ADGRF3: variants seen among roughly 807,000 people sequenced by gnomAD.
ADGRF3 encodes the protein G protein-coupled receptor 113.
A neutral mutation model predicts 93.2 loss-of-function variants in ADGRF3; 85 were observed. The ratio of observed to expected loss-of-function variants is 0.91; its 90% CI spans 0.77 to 1.09. The LOEUF is 1.09. Ranked by LOEUF, ADGRF3 falls within the 50% of genes least tolerant of loss-of-function variation. The pLI is 0.00. For missense variants in ADGRF3, 1,125 were observed against 1,246.2 expected (o/e 0.90, Z 1.46); for synonymous variants, 534 against 532.5 (o/e 1.00, Z -0.04).
intron 1 of ADGRF3, among the ~76,000 whole-genome samples, chr2:26,333,487 A>C (rs1490728839): frequency 1.3e-4 from 1 of 7,880 alleles, no homozygotes; most frequent in Admixed American, 1.2e-3. Context: ...AACCATCCTG[A>C]GGTTATCCAG....
At chr2:26,342,084 A>C (rs1292255057) in intron 1 of ADGRF3, among the ~76,000 whole-genome samples, 1 of 150,324 alleles carries the variant, frequency 6.7e-6, no homozygotes, top group Non-Finnish European at 1.5e-5. Context: ...AAAAAAAAAC[A>C]ACTGACTTGT....
In ADGRF3 at chr2:26,313,384, C is replaced by A; in HGVS notation, c.1262G>T (p.Arg421Ile). 1 of 1,590,446 alleles carries A rather than the reference C, an allele frequency of 6.3e-7. No homozygotes were observed. Among genetic ancestry groups the A allele is most frequent in the Non-Finnish European group, 8.6e-7 (1 of 1,168,828 alleles). The change falls in exon 8 of 14, where the codon AGA becomes ATA. Residue 421 changes from arginine (R) to isoleucine (I), a missense_variant. Physicochemically the swap from Arg to Ile is moderately conservative, Grantham distance 97 (BLOSUM62 -3). Coordinates refer to ENST00000651242, the MANE Select transcript of ADGRF3 (RefSeq NM_001321971.2). ...TDARLLALFT[R>I]TKLLQAGQGS... ...GCAGGGTGGAAGCTTCACCTTGGTT[C>A]TAGTGAACAAGGCCAGGAGCCTCGC...
rs137936719 is a variant in ADGRF3 at position 26,344,864 on chromosome 2, G to C, written c.114+1257C>G. Among the ~76,000 whole-genome samples, 1,388 of 152,208 alleles carry C rather than the reference G, an allele frequency of 9.1e-3. 12 individuals are homozygous for C. Among genetic ancestry groups the C allele is most frequent in the Middle Eastern group, 0.031 (9 of 294 alleles). On this transcript the variant is annotated intron_variant, in intron 1 of 13. Transcript: ENST00000651242. ...GAAGCTTATTATCTACCATATACCA[G>C]GTATAAGATTATCTATTACTTTCTA...
At position 26,309,058 on chromosome 2, in the gene ADGRF3, C is replaced by G; in HGVS notation, c.*28G>C. 6.2e-7 allele frequency: 1 copy of G among 1,614,014 alleles called. No individual in the cohort carries two copies. Among genetic ancestry groups the G allele is most frequent in the African/African-American group, 1.3e-5 (1 of 75,048 alleles). On this transcript the variant is annotated 3_prime_UTR_variant, in exon 14 of 14. Coordinates refer to ENST00000651242, the MANE Select transcript of ADGRF3 (RefSeq NM_001321971.2). ...GGTTCAAGCACACAGCCTCAACTCC[C>G]TTGCAGGAACATGGGTCCGTGTGTG...
In ADGRF3 at chr2:26,315,655, G is replaced by T; in HGVS notation, c.585C>A (p.Thr195=). ...SLTLHLSQEA[T]NLSWFLRHPG... is the part of the protein sequence containing the mutation. ...GGTGCCTCAGGAACCAGCTCAGGTT[G>T]GTGGCCTCCTGGCTCAGATGGAGAG... The change falls in exon 5 of 14, where the codon ACC becomes ACA. Residue 195 remains threonine, a synonymous_variant. Coordinates refer to ENST00000651242, the MANE Select transcript of ADGRF3 (RefSeq NM_001321971.2). 1 of 1,551,638 alleles carries T rather than the reference G, an allele frequency of 6.4e-7. No homozygotes were observed.
intron 1 of ADGRF3, among the ~76,000 whole-genome samples, chr2:26,341,271 CAG>C (rs1676381724): frequency 6.6e-6 from 1 of 152,098 alleles, no homozygotes; most frequent in South Asian, 2.1e-4. Context: ...CCCAGCTACT[CAG>C]AGTCTGAGGC....
chr2:26,319,922 A>G (rs112095560), intron 1 of ADGRF3, among the ~76,000 whole-genome samples: 4 of 152,294 alleles, frequency 2.6e-5, no homozygotes, highest in African/African-American at 9.6e-5. Context: ...AAAGAATCTG[A>G]GAGAATACTA....
At position 26,311,524 on chromosome 2, in the gene ADGRF3, T is replaced by A; in HGVS notation, c.2000A>T (p.Gln667Leu). ...GRGGWSKEGC[Q>L]AQVASASPTA... is the part of the protein sequence containing the mutation. ...GGGGCTGGCACTGGCCACCTGTGCC[T>A]GGCACCCTTCTTTGGACCAACCCCC... Residue 667 changes from glutamine (Q) to leucine (L), a missense_variant, in exon 10 of 14, where the codon CAG (glutamine) becomes CTG (leucine). By Grantham distance (113) the Gln-to-Leu change is moderately radical. Transcript: ENST00000651242. 6.2e-7 allele frequency: 1 copy of A among 1,614,044 alleles called. No individual in the cohort carries two copies. The highest frequency in any genetic ancestry group is 8.5e-7 in the Non-Finnish European group (1 of 1,179,902).
Position 26,309,123 on chromosome 2 carries a change from C to T in ADGRF3, c.2994-16G>A, listed in dbSNP as rs199685359. 1.0e-4 allele frequency: 167 copies of T among 1,613,998 alleles called. No homozygotes were observed. The East Asian group carries it at 3.2e-3, about 31-fold the overall frequency. On this transcript the variant is annotated splice_polypyrimidine_tract_variant and intron_variant, in intron 13 of 13. Transcript: ENST00000651242. ...ATCTGTCTTCCTGTGAAAGAGCTTG[C>T]GGCTGGTGAGTGGATACTGAGCCCA...
chr2:26,346,326 C>T lies in ADGRF3; in HGVS notation c.-92G>A. ...CGGCGGATGCCCCTCTCCCTGCTCCCGGCCTCGCCCAGGCGGCTGAGGGGC... is the reference window on the plus strand; with the variant it reads ...CGGCGGATGCCCCTCTCCCTGCTCCTGGCCTCGCCCAGGCGGCTGAGGGGC... On this transcript the variant is annotated 5_prime_UTR_variant, in exon 1 of 14. Coordinates refer to ENST00000651242, the MANE Select transcript of ADGRF3 (RefSeq NM_001321971.2). 4 of 1,589,002 alleles carry T rather than the reference C, an allele frequency of 2.5e-6. No homozygotes were observed. Among genetic ancestry groups the T allele is most frequent in the Non-Finnish European group, 3.4e-6 (4 of 1,166,470 alleles).
intron 1 of ADGRF3, among the ~76,000 whole-genome samples, chr2:26,332,550 G>A (rs1675822650): frequency 6.6e-6 from 1 of 152,108 alleles, no homozygotes; most frequent in Non-Finnish European, 1.5e-5. Flanking sequence ...GACCAGCCTG[G>A]GCAACATGGT....
intron 1 of ADGRF3, among the ~76,000 whole-genome samples, chr2:26,322,085 C>T (rs1384597739): frequency 6.6e-6 from 1 of 151,442 alleles, no homozygotes; most frequent in Admixed American, 6.6e-5. Context: ...GAGTTCGAGA[C>T]CAGCCTGGCC....
At chr2:26,319,621 TTCTTTG>T (rs1183119873) in intron 1 of ADGRF3, among the ~76,000 whole-genome samples, 2 of 139,026 alleles carry the variant, frequency 1.4e-5, no homozygotes, top group African/African-American at 5.2e-5. Context: ...CTTCCTTTCT[TTCTTTG>T]TTTCTTTCTT....
At chr2:26,326,223 T>G (rs1675428083) in intron 1 of ADGRF3, among the ~76,000 whole-genome samples, 1 of 152,116 alleles carries the variant, frequency 6.6e-6, no homozygotes, top group African/African-American at 2.4e-5. Context: ...GACGGGGAGC[T>G]GAGGACAAGT....
At chr2:26,339,118 A>C (rs1676227182) in intron 1 of ADGRF3, among the ~76,000 whole-genome samples, 1 of 146,360 alleles carries the variant, frequency 6.8e-6, no homozygotes, top group African/African-American at 2.5e-5. Context: ...CCGTCACAAA[A>C]AAAAAAAAAA....
At chr2:26,342,551 A>G (rs1676456020) in intron 1 of ADGRF3, among the ~76,000 whole-genome samples, 1 of 152,236 alleles carries the variant, frequency 6.6e-6, no homozygotes, top group Non-Finnish European at 1.5e-5. Context: ...TATTTTGGTT[A>G]TATTATAAAA....
intron 1 of ADGRF3, among the ~76,000 whole-genome samples, chr2:26,325,395 G>T (rs1285351489): frequency 6.6e-6 from 1 of 152,192 alleles, no homozygotes; most frequent in Non-Finnish European, 1.5e-5. Flanking sequence ...AATGTTAAAA[G>T]AAATGGTGTA....
intron 1 of ADGRF3, among the ~76,000 whole-genome samples, chr2:26,337,350 T>C (rs1283862614): frequency 3.3e-5 from 5 of 152,214 alleles, no homozygotes; most frequent in Non-Finnish European, 5.9e-5. Flanking sequence ...CCCAGCTTCA[T>C]TGAGATATGA....
At chr2:26,317,114 C>T (rs1019163024) in intron 2 of ADGRF3, 59 bp from the exon 3 acceptor site, 10 of 1,529,018 alleles carry the variant, frequency 6.5e-6, no homozygotes, top group Non-Finnish European at 7.9e-6. Flanking sequence ...AGCCGGTCCC[C>T]TCTGGATTCT....
Sources: allele counts gnomAD v4.1 joint callset (sites outside exome capture counted in the v4.1 genomes callset), GRCh38; gene constraint gnomAD v4.1.1; transcripts MANE v1.5; gene names NCBI Gene and HGNC (gene_info 2026-07-23, HGNC 2026-07-21).